Variants in TWF1 observed in about 807,000 individuals in gnomAD.
TWF1 encodes twinfilin-1.
In TWF1, 14 loss-of-function variants were observed where a neutral mutation model predicts 47.9. The observed-to-expected ratio is 0.29, with a 90% CI of 0.19 to 0.46. The LOEUF is 0.46. Ranked by LOEUF, TWF1 falls within the 20% of genes least tolerant of loss-of-function variation. TWF1 has a pLI of 1.00. For synonymous variants in TWF1, 96 were observed against 139.2 expected (o/e 0.69, Z 2.18); for missense variants, 281 against 409.3 (o/e 0.69, Z 2.70).
intron 1 of TWF1, among the ~76,000 whole-genome samples, chr12:43,804,790 C>A (rs1942727179): frequency 6.6e-6 from 1 of 152,172 alleles, no homozygotes; most frequent in African/African-American, 2.4e-5. Flanking sequence ...TAATTCTAAT[C>A]TGTTTTAGCT....
intron 1 of TWF1, 100 bp downstream of exon 1, chr12:43,806,121 G>A (rs1942764160): frequency 6.6e-7 from 1 of 1,525,340 alleles, no homozygotes; most frequent in Non-Finnish European, 8.8e-7. Context: ...GACTTCCGGA[G>A]CTCCCGGCCC....
intron 1 of TWF1, chr12:43,805,925 G>A (rs527892939): frequency 6.6e-7 from 1 of 1,516,730 alleles, no homozygotes; most frequent in African/African-American, 1.4e-5. Flanking sequence ...GACTGTCGGG[G>A]ACGGTGGAAG....
chr12:43,805,864 C>T (rs1942753159), intron 1 of TWF1: 1 of 1,427,822 alleles, frequency 7.0e-7, no homozygotes. Context: ...GCCCCAGTCG[C>T]CTCCACTGTC....
At chr12:43,797,250 T>C in intron 7 of TWF1, 52 bp downstream of exon 7, 6 of 1,522,410 alleles carry the variant, frequency 3.9e-6, no homozygotes, top group Non-Finnish European at 5.3e-6. Flanking sequence ...ATAGGGCTGA[T>C]ACACCAATAA....
Position 43,800,568 on chromosome 12 carries a change from AAACAT to A in TWF1, c.283-43_283-39del, listed in dbSNP as rs757101578. 6.7e-6 allele frequency: 10 copies of A among 1,492,618 alleles called. No homozygotes were observed. The Admixed American group carries it at 1.0e-4, about 15-fold the overall frequency. 92.5% of individuals were successfully genotyped at this position (1,492,618 alleles called of 1,614,324 possible). ...GAAAGTTTACTTAGTTTATAGATGAAAACATAACATTACAAAAGCAAGCACATTCT... is the reference window on the plus strand; with the variant it reads ...GAAAGTTTACTTAGTTTATAGATGAAAACATTACAAAAGCAAGCACATTCT... On this transcript the variant is annotated intron_variant, in intron 3 of 8. Transcript: ENST00000395510.
At position 43,805,890 on chromosome 12, in the gene TWF1, G is replaced by C; in HGVS notation, c.25+331C>G. ...CTCCACTGTCCCAGCTCTTCCCTAC[G>C]TGACCAAAAGGGGGAAAGTTGGGCG... On this transcript the variant is annotated intron_variant, in intron 1 of 8. Transcript: ENST00000395510. 3 of 1,459,650 alleles carry C rather than the reference G, an allele frequency of 2.1e-6. No homozygotes were observed. The South Asian group carries it at 3.4e-5, about 16-fold the overall frequency. 90.4% of individuals were successfully genotyped at this position (1,459,650 alleles called of 1,614,324 possible).
chr12:43,802,494 T>G (rs528053407), intron 2 of TWF1, 30 bp from the exon 3 acceptor site: 1 of 1,545,900 alleles, frequency 6.5e-7, no homozygotes, highest in East Asian at 2.3e-5. Flanking sequence ...GAAAGATAGG[T>G]AAATGGTTTG....
intron 5 of TWF1, chr12:43,798,621 T>TAAA (rs35482343): frequency 9.2e-5 from 123 of 1,335,376 alleles, no homozygotes; most frequent in Admixed American, 2.6e-4. Context: ...ATCAAACTCG[T>TAAA]AAAAAAAAAA....
intron 2 of TWF1, 23 bp from the exon 3 acceptor site, chr12:43,802,487 A>T: frequency 6.4e-7 from 1 of 1,569,740 alleles, no homozygotes. Context: ...ATTTTTAGAA[A>T]GATAGGTAAA....
chr12:43,798,359 CT>C (rs1297199172), intron 5 of TWF1, among the ~76,000 whole-genome samples: 1 of 151,944 alleles, frequency 6.6e-6, no homozygotes, highest in Non-Finnish European at 1.5e-5. Flanking sequence ...TGTGCATGTA[CT>C]GGAAGAGGAG....
Position 43,797,286 on chromosome 12 carries a change from A to C in TWF1, c.760+16T>G, listed in dbSNP as rs374710056. On this transcript the variant is annotated intron_variant, in intron 7 of 8. Transcript: ENST00000395510. The stretch of plus-strand genomic sequence containing the variant: ...ACAAACTGAAAGTAATGTGTTAAAA[A>C]CAATGTATCATATACCTATGGACTC... The C allele has an allele frequency of 5.3e-5, 83 of 1,565,446 alleles. 1 individual carries two copies. The African/African-American group carries it at 1.1e-3, about 20-fold the overall frequency.
In TWF1 at chr12:43,795,621, A is replaced by T. The variant is rs878959166; in HGVS notation, c.1017T>A (p.Ile339=). The T allele has an allele frequency of 6.2e-7, 1 of 1,612,362 alleles. No individual in the cohort carries two copies. Among genetic ancestry groups the T allele is most frequent in the Non-Finnish European group, 8.5e-7 (1 of 1,179,838 alleles). Residue 339 remains isoleucine, a synonymous_variant, in exon 9 of 9, where the codon ATT becomes ATA. Transcript: ENST00000395510. ...PAGKRGIRRL[I]RGPAETEATT... is the part of the protein sequence containing the mutation. ...TAGCTTCAGTTTCCGCTGGGCCCCTAATTAGTCTTCGAATTCCTCTTTTTC... is the reference window on the plus strand; with the variant it reads ...TAGCTTCAGTTTCCGCTGGGCCCCTTATTAGTCTTCGAATTCCTCTTTTTC...
chr12:43,798,496 G>C, intron 5 of TWF1: 1 of 1,413,676 alleles, frequency 7.1e-7, no homozygotes, highest in South Asian at 1.4e-5. Context: ...TTAAAAAAAT[G>C]AATGGAGATT....
rs916516954 is a variant in TWF1 at position 43,797,162 on chromosome 12, A to G, written c.761-65T>C. Reference sequence around the variant, plus strand: ...ATACATAAACTTCATAAAACTACATATATAAACTTCATAAAAACAAGTACA... The same window carrying G: ...ATACATAAACTTCATAAAACTACATGTATAAACTTCATAAAAACAAGTACA... On this transcript the variant is annotated intron_variant, in intron 7 of 8. Coordinates refer to ENST00000395510, the MANE Select transcript of TWF1 (RefSeq NM_002822.5). The G allele has an allele frequency of 5.3e-6, 8 of 1,499,436 alleles. No individual in the cohort carries two copies. The Admixed American group carries it at 6.6e-5, about 12-fold the overall frequency. 92.9% of individuals were successfully genotyped at this position (1,499,436 alleles called of 1,614,324 possible). A position where few individuals can be genotyped will look rare whatever the true frequency, so the allele number is the denominator to read the frequency against.
chr12:43,797,974 G>C, intron 5 of TWF1, 141 bp from the exon 6 acceptor site: 3 of 832,260 alleles, frequency 3.6e-6, no homozygotes, highest in Non-Finnish European at 5.4e-6. Context: ...ATTTGTTTAC[G>C]GTCCTGCTAG....
chr12:43,800,565 T>G, intron 3 of TWF1, 35 bp from the exon 4 acceptor site: 1 of 1,514,748 alleles, frequency 6.6e-7, no homozygotes, highest in African/African-American at 1.4e-5. Context: ...AGTTTATAGA[T>G]GAAAACATAA....
intron 1 of TWF1, chr12:43,805,741 C>T (rs1014989525): frequency 4.0e-6 from 5 of 1,262,624 alleles, no homozygotes; most frequent in African/African-American, 1.5e-5. Context: ...GGGAAGCACC[C>T]CTACTGATGT....
At chr12:43,804,641 A>G (rs1942724403) in intron 1 of TWF1, 69 bp from the exon 2 acceptor site, 5 of 1,095,024 alleles carry the variant, frequency 4.6e-6, no homozygotes, top group African/African-American at 1.6e-5. Flanking sequence ...CTATATTGGA[A>G]AAGTTAATTA....
At position 43,806,315 on chromosome 12, in the gene TWF1, G is replaced by A. The variant is rs1388781519; in HGVS notation, c.-70C>T. On this transcript the variant is annotated 5_prime_UTR_variant, in exon 1 of 9. Coordinates refer to ENST00000395510, the MANE Select transcript of TWF1 (RefSeq NM_002822.5). ...CGGCCCCGGCCGGCGGCCCCAGGAA[G>A]TGGCTGCTCCTCCGCCGGCCCCGGC... 5 of 1,392,310 alleles carry A rather than the reference G, an allele frequency of 3.6e-6. No homozygotes were observed. Among genetic ancestry groups the A allele is most frequent in the Non-Finnish European group, 3.7e-6 (4 of 1,074,168 alleles). 86.2% of individuals were successfully genotyped at this position (1,392,310 alleles called of 1,614,324 possible).
Sources: gnomAD v4.1 joint callset for allele counts (sites outside exome capture counted in the v4.1 genomes callset) on GRCh38, gnomAD v4.1.1 for gene constraint, MANE v1.5 for transcripts, NCBI Gene and HGNC (gene_info 2026-07-23, HGNC 2026-07-21) for gene names.